MRTFB: variants seen among roughly 807,000 people sequenced by gnomAD.
MRTFB encodes myocardin related transcription factor B, also known as myocardin-related transcription factor B.
Under a neutral mutation model 104.2 loss-of-function variants are expected in MRTFB, and 29 were observed. The observed-to-expected ratio is 0.28, with a 90% CI of 0.21 to 0.38. The LOEUF is 0.38. Ranked by LOEUF, MRTFB falls within the 10% of genes least tolerant of loss-of-function variation. The probability of loss-of-function intolerance (pLI) is 1.00; values close to 1 mark genes in which losing one functional copy is unlikely to be tolerated. For synonymous variants in MRTFB, 535 were observed against 519.5 expected (o/e 1.03, Z -0.41); for missense variants, 1,270 against 1,341.6 (o/e 0.95, Z 0.83).
the MRTFB span, among the ~76,000 whole-genome samples, chr16:14,034,015 T>C: frequency 6.6e-6 from 1 of 152,116 alleles, no homozygotes; most frequent in Non-Finnish European, 1.5e-5. Flanking sequence ...TGCAGGTCTG[T>C]CTTGGCATCA....
At chr16:14,190,909 C>T (rs182457429) in intron 3 of MRTFB, among the ~76,000 whole-genome samples, 69 of 152,168 alleles carry the variant, frequency 4.5e-4, no homozygotes, top group Non-Finnish European at 7.9e-4. Flanking sequence ...GGCTAATAGC[C>T]GAGATGAAGT....
chr16:14,077,515 C>CTTT (rs36114031), intron 1 of MRTFB, among the ~76,000 whole-genome samples: 1 of 140,992 alleles, frequency 7.1e-6, no homozygotes, highest in Admixed American at 7.0e-5. Flanking sequence ...CCCCTTGTTG[C>CTTT]TTTTTTTTTT....
the MRTFB span, among the ~76,000 whole-genome samples, chr16:14,022,841 C>T: frequency 2.0e-5 from 3 of 148,794 alleles, no homozygotes; most frequent in Admixed American, 6.8e-5. Flanking sequence ...GGATTACAGG[C>T]GCCTGCAACC....
the MRTFB span, among the ~76,000 whole-genome samples, chr16:14,052,473 C>CA: frequency 6.6e-6 from 1 of 152,098 alleles, no homozygotes; most frequent in Non-Finnish European, 1.5e-5. Flanking sequence ...CACAGTGGCT[C>CA]ACGCGTGTAA....
In MRTFB at chr16:14,261,652, A is replaced by G. The variant is rs1360379416; in HGVS notation, c.*208A>G. 9.9e-6 allele frequency: 5 copies of G among 505,068 alleles called. No homozygotes were observed. The highest frequency in any genetic ancestry group is 1.7e-5 in the Non-Finnish European group (5 of 293,946). 31.3% of individuals were successfully genotyped at this position (505,068 alleles called of 1,614,324 possible). A position where few individuals can be genotyped will look rare whatever the true frequency, so the allele number is the denominator to read the frequency against. On this transcript the variant is annotated 3_prime_UTR_variant, in exon 17 of 17. Coordinates refer to ENST00000571589, the MANE Select transcript of MRTFB (RefSeq NM_001308142.2). ...GAATTTCTACAGTTTAACATAGCAC[A>G]GGGCCTTCTGAAAATCGCACTTGTC...
chr16:14,100,906 C>T (rs190838177), intron 2 of MRTFB, among the ~76,000 whole-genome samples: 13 of 152,176 alleles, frequency 8.5e-5, no homozygotes, highest in Admixed American at 7.9e-4. Context: ...ATGACGTTGC[C>T]TCTCTCACTC....
chr16:14,089,757 A>G (rs531942899), intron 2 of MRTFB, among the ~76,000 whole-genome samples: 1 of 152,298 alleles, frequency 6.6e-6, no homozygotes, highest in East Asian at 1.9e-4. Flanking sequence ...GTTCTCAGCA[A>G]CATTTGAGGG....
intron 2 of MRTFB, among the ~76,000 whole-genome samples, chr16:14,109,247 TAAG>T (rs1257393766): frequency 6.6e-6 from 1 of 152,208 alleles, no homozygotes; most frequent in Admixed American, 6.5e-5. Context: ...TTCCTCACTC[TAAG>T]TTCAAGGGCT....
chr16:14,239,723 A>G (rs2042678212), intron 9 of MRTFB, among the ~76,000 whole-genome samples: 1 of 152,180 alleles, frequency 6.6e-6, no homozygotes, highest in Admixed American at 6.5e-5. Flanking sequence ...AAATTTTCAA[A>G]TTCATGTTCA....
rs1218134083 is a variant in MRTFB, at chr16:14,252,401, C to A, written c.2602C>A (p.Gln868Lys). ...SPPPPQQFVV[Q>K]HSLFGSPVAK... is the part of the protein sequence containing the mutation. ...CCCGCCACCCCAGCAATTTGTCGTC[C>A]AGCACTCTCTATTTGGGAGTCCAGT... The change falls in exon 15 of 17, where the codon CAG (glutamine) becomes AAG (lysine). Residue 868 changes from glutamine (Q) to lysine (K), a missense_variant. Transcript: ENST00000571589. 6.2e-7 allele frequency: 1 copy of A among 1,613,806 alleles called. No homozygotes were observed. The highest frequency in any genetic ancestry group is 8.5e-7 in the Non-Finnish European group (1 of 1,179,972).
rs74879304 is a variant in MRTFB at position 14,237,866 on chromosome 16, A to G, written c.832-2371A>G. 1.1e-3 allele frequency among the ~76,000 whole-genome samples: 173 copies of G among 152,340 alleles called. 4 individuals are homozygous for G. In the East Asian group the frequency reaches 0.032, roughly 28 times the overall value. On this transcript the variant is annotated intron_variant, in intron 9 of 16. Transcript: ENST00000571589. ...AATACTATAGGTTTGGAGAGAGAAG[A>G]AAAGATAGACAGTATTCTGTAAGAG...
chr16:14,100,410 C>G (rs1279926054), intron 2 of MRTFB, among the ~76,000 whole-genome samples: 1 of 152,116 alleles, frequency 6.6e-6, no homozygotes, highest in African/African-American at 2.4e-5. Context: ...TATTGTGTAT[C>G]GCATGGTAAA....
At chr16:14,125,429 C>G (rs2037059487) in intron 2 of MRTFB, among the ~76,000 whole-genome samples, 1 of 152,234 alleles carries the variant, frequency 6.6e-6, no homozygotes, top group South Asian at 2.1e-4. Flanking sequence ...TAATGGCAAT[C>G]TAGCCTGGCA....
intron 2 of MRTFB, among the ~76,000 whole-genome samples, chr16:14,132,728 C>T (rs534276425): frequency 2.6e-5 from 4 of 152,154 alleles, no homozygotes; most frequent in Non-Finnish European, 5.9e-5. Context: ...TAAAATGCTT[C>T]GTGGCAGAAG....
At chr16:14,118,973 A>T (rs1402710286) in intron 2 of MRTFB, among the ~76,000 whole-genome samples, 1 of 152,020 alleles carries the variant, frequency 6.6e-6, no homozygotes, top group African/African-American at 2.4e-5. Context: ...ACTACAGTTT[A>T]TCCATTCTTC....
At chr16:14,106,808 T>G (rs561948063) in intron 2 of MRTFB, among the ~76,000 whole-genome samples, 2 of 152,096 alleles carry the variant, frequency 1.3e-5, no homozygotes, top group Non-Finnish European at 2.9e-5. Flanking sequence ...TGGGACTCAG[T>G]GAGGGGAATT....
intron 3 of MRTFB, among the ~76,000 whole-genome samples, chr16:14,175,168 A>T (rs1461749083): frequency 2.6e-5 from 4 of 152,212 alleles, no homozygotes; most frequent in African/African-American, 9.6e-5. Context: ...TTATTGAACT[A>T]TAATTGACAT....
intron 2 of MRTFB, among the ~76,000 whole-genome samples, chr16:14,102,666 A>T (rs2035763587): frequency 6.6e-6 from 1 of 152,252 alleles, no homozygotes; most frequent in Non-Finnish European, 1.5e-5. Context: ...TACTTGCTTT[A>T]AAAACTGTTA....
At chr16:14,067,940 T>C (rs1021698124), upstream of MRTFB, among the ~76,000 whole-genome samples, 2 of 152,190 alleles carry the variant, frequency 1.3e-5, no homozygotes, top group Non-Finnish European at 1.5e-5. Flanking sequence ...CAAGAGATTC[T>C]TGTGCCTCAG....
Sources: allele counts gnomAD v4.1 joint callset (sites outside exome capture counted in the v4.1 genomes callset), GRCh38; gene constraint gnomAD v4.1.1; transcripts MANE v1.5; gene names NCBI Gene and HGNC (gene_info 2026-07-23, HGNC 2026-07-21).